RABGAP1L: variants seen among roughly 807,000 people sequenced by gnomAD.
The protein encoded by RABGAP1L is RAB GTPase activating protein 1 like, also known as rab GTPase-activating protein 1-like.
In RABGAP1L, 63 loss-of-function variants were observed where a neutral mutation model predicts 137.7. That is an observed-to-expected ratio of 0.46 (90% confidence interval 0.37 to 0.56). The LOEUF (loss-of-function observed/expected upper bound fraction) is 0.56, where lower values mean the gene tolerates loss of function less well. Ranked by LOEUF, RABGAP1L falls within the 20% of genes least tolerant of loss-of-function variation. The pLI is 0.00. For missense variants in RABGAP1L, 1,095 were observed against 1,244.0 expected (o/e 0.88, Z 1.80); for synonymous variants, 431 against 433.7 (o/e 0.99, Z 0.08).
intron 16 of RABGAP1L, chr1:174,700,965 G>GT (rs1434385274): frequency 1.1e-4 from 109 of 958,010 alleles, no homozygotes; most frequent in Middle Eastern, 2.6e-4. Context: ...TCTGTTAGCA[G>GT]TTTTTTTTCA....
intron 15 of RABGAP1L, among the ~76,000 whole-genome samples, chr1:174,697,820 A>G (rs928166851): frequency 6.6e-6 from 1 of 152,264 alleles, no homozygotes; most frequent in African/African-American, 2.4e-5. Flanking sequence ...AAGCTGAAAA[A>G]TAGTTGCTAA....
At chr1:174,639,218 G>T (rs984664012) in intron 14 of RABGAP1L, among the ~76,000 whole-genome samples, 1 of 151,838 alleles carries the variant, frequency 6.6e-6, no homozygotes. Flanking sequence ...CATTTTGGAG[G>T]ATTATAAATA....
chr1:174,600,306 A>T (rs1245999742), intron 13 of RABGAP1L, among the ~76,000 whole-genome samples: 1 of 152,090 alleles, frequency 6.6e-6, no homozygotes, highest in Non-Finnish European at 1.5e-5. Flanking sequence ...CAGCCAAACC[A>T]TATCTTTCTG....
intron 10 of RABGAP1L, among the ~76,000 whole-genome samples, chr1:174,303,124 C>T (rs542687460): frequency 1.3e-5 from 2 of 151,756 alleles, no homozygotes; most frequent in East Asian, 3.9e-4. Flanking sequence ...GCTGCTTGGA[C>T]ATGTATTTTT....
At chr1:174,917,940 A>G (rs1661150530) in intron 19 of RABGAP1L, among the ~76,000 whole-genome samples, 1 of 151,768 alleles carries the variant, frequency 6.6e-6, no homozygotes, top group Admixed American at 6.6e-5. Context: ...CTTAAAAAAA[A>G]AAAAAAAAAA....
At position 174,637,425 on chromosome 1, in the gene RABGAP1L, C is replaced by T. The variant is rs140750799; in HGVS notation, c.1761C>T (p.Pro587=). 2.6e-4 allele frequency: 420 copies of T among 1,613,224 alleles called. No homozygotes were observed. The highest frequency in any genetic ancestry group is 3.3e-4 in the Non-Finnish European group (394 of 1,179,394). The change falls in exon 14 of 26, where the codon CCC becomes CCT. Residue 587 remains proline (P), a synonymous_variant. Coordinates refer to ENST00000681986, the MANE Select transcript of RABGAP1L (RefSeq NM_001366446.1). ...CTCGAGATATTCATCGTACATTTCC[C>T]GCACATGATTACTTTAAAGATACTG... ...VITRDIHRTF[P]AHDYFKDTGG... is the part of the protein sequence containing the mutation.
chr1:174,788,474 T>C (rs1687621094), intron 18 of RABGAP1L, among the ~76,000 whole-genome samples: 1 of 152,232 alleles, frequency 6.6e-6, no homozygotes, highest in South Asian at 2.1e-4. Context: ...TGGCTCTATT[T>C]CCGTAGCACA....
chr1:174,772,055 C>T (rs1233178749), intron 18 of RABGAP1L, among the ~76,000 whole-genome samples: 11 of 151,810 alleles, frequency 7.2e-5, no homozygotes, highest in South Asian at 2.1e-4. Context: ...AAAAATTAGC[C>T]GGGCCTGGTG....
chr1:174,605,341 A>C (rs150850181), intron 13 of RABGAP1L, among the ~76,000 whole-genome samples: 41 of 152,252 alleles, frequency 2.7e-4, no homozygotes, highest in African/African-American at 9.4e-4. Context: ...GTTATTCTTT[A>C]TCTCTCCCAG....
chr1:174,178,531 A>T (rs568702054), intron 1 of RABGAP1L, among the ~76,000 whole-genome samples: 1 of 152,234 alleles, frequency 6.6e-6, no homozygotes, highest in Non-Finnish European at 1.5e-5. Context: ...ACAGATGCAC[A>T]CGTATGTTTA....
chr1:174,658,134 A>G (rs990189754), intron 14 of RABGAP1L, among the ~76,000 whole-genome samples: 1 of 152,140 alleles, frequency 6.6e-6, no homozygotes, highest in African/African-American at 2.4e-5. Context: ...AAACGCCACA[A>G]AGCTCCCTGT....
At chr1:174,873,932 T>C (rs1477253573) in intron 19 of RABGAP1L, among the ~76,000 whole-genome samples, 9 of 152,210 alleles carry the variant, frequency 5.9e-5, no homozygotes, top group Admixed American at 5.2e-4. Context: ...TTATTCAAGC[T>C]TTTCTTGATT....
At chr1:174,938,520 A>C (rs1359487918) in intron 19 of RABGAP1L, 1 of 152,180 alleles carries the variant, frequency 6.6e-6, no homozygotes, top group African/African-American at 2.4e-5. Flanking sequence ...TATTGCAGTC[A>C]TTCTCTGAAA....
chr1:174,425,932 A>C (rs1437440328), intron 13 of RABGAP1L, among the ~76,000 whole-genome samples: 1 of 152,090 alleles, frequency 6.6e-6, no homozygotes, highest in Non-Finnish European at 1.5e-5. Flanking sequence ...TTTATTAGCA[A>C]GTTCAAAGGA....
At chr1:174,258,789 G>A (rs1245451024) in intron 7 of RABGAP1L, among the ~76,000 whole-genome samples, 1 of 150,352 alleles carries the variant, frequency 6.7e-6, no homozygotes, top group Non-Finnish European at 1.5e-5. Context: ...TTTTTTGTTT[G>A]TTTTTGGTGA....
At chr1:174,430,372 A>AT (rs1016703425) in intron 13 of RABGAP1L, among the ~76,000 whole-genome samples, 2 of 146,916 alleles carry the variant, frequency 1.4e-5, no homozygotes, top group African/African-American at 2.5e-5. Flanking sequence ...AAAAAAAAAA[A>AT]TTTTTTTTCA....
chr1:174,229,121 T>C (rs1263963853), intron 3 of RABGAP1L, among the ~76,000 whole-genome samples: 1 of 152,132 alleles, frequency 6.6e-6, no homozygotes, highest in Non-Finnish European at 1.5e-5. Context: ...AAAATTCCAT[T>C]GGAATACTTA....
chr1:174,194,436 A>G (rs1042030310), intron 1 of RABGAP1L, among the ~76,000 whole-genome samples: 2 of 152,006 alleles, frequency 1.3e-5, no homozygotes, highest in African/African-American at 4.8e-5. Flanking sequence ...GGGTTTCACC[A>G]TGTTGGCCAT....
At chr1:174,358,822 T>G (rs181520396) in intron 11 of RABGAP1L, among the ~76,000 whole-genome samples, 8 of 152,284 alleles carry the variant, frequency 5.3e-5, no homozygotes, top group Admixed American at 3.9e-4. Flanking sequence ...ATTCAGGAAA[T>G]TTTGAATACT....
Sources: allele counts gnomAD v4.1 joint callset (sites outside exome capture counted in the v4.1 genomes callset), GRCh38; gene constraint gnomAD v4.1.1; transcripts MANE v1.5; gene names NCBI Gene and HGNC (gene_info 2026-07-23, HGNC 2026-07-21).